Variants in VIPR1 observed in about 807,000 individuals in gnomAD.
VIPR1 encodes the protein vasoactive intestinal peptide receptor 1, also known as vasoactive intestinal polypeptide receptor 1.
A neutral mutation model predicts 58.8 loss-of-function variants in VIPR1; 59 were observed. The observed-to-expected ratio is 1.00, with a 90% CI of 0.81 to 1.25. The LOEUF (loss-of-function observed/expected upper bound fraction) is 1.25. Ranked by LOEUF, VIPR1 falls within the 50% of genes most tolerant of loss-of-function variation. The probability of loss-of-function intolerance (pLI) is 0.00; values close to 1 mark genes in which losing one functional copy is unlikely to be tolerated. For missense variants in VIPR1, 626 were observed against 602.7 expected, an observed-to-expected ratio of 1.04 and a Z score of -0.40; for synonymous variants, 251 against 242.1, an observed-to-expected ratio of 1.04 and a Z score of -0.34.
upstream of VIPR1, among the ~76,000 whole-genome samples, chr3:42,498,707 A>G (rs1051253752): frequency 9.9e-5 from 15 of 152,038 alleles, no homozygotes; most frequent in Admixed American, 1.3e-4. Flanking sequence ...TGTAGCACCA[A>G]CAGAAGATCC....
chr3:42,515,433 T>G (rs1489565046), intron 2 of VIPR1, among the ~76,000 whole-genome samples: 1 of 152,192 alleles, frequency 6.6e-6, no homozygotes. Context: ...CAGGACCAGG[T>G]GCAGACAGGC....
intron 1 of VIPR1, chr3:42,512,097 A>C (rs1370239163): frequency 1.3e-5 from 2 of 152,262 alleles, no homozygotes; most frequent in Non-Finnish European, 2.9e-5. Context: ...TAAAGGTGCA[A>C]GATGGAGCTC....
At chr3:42,513,420 T>G (rs920442029) in intron 1 of VIPR1, 1 of 265,948 alleles carries the variant, frequency 3.8e-6, no homozygotes, top group Non-Finnish European at 7.3e-6. Context: ...AGTGGCAGAG[T>G]CCAGAGGGCC....
At chr3:42,516,473 C>A (rs537110747) in intron 2 of VIPR1, 1 of 152,496 alleles carries the variant, frequency 6.6e-6, no homozygotes, top group Non-Finnish European at 1.5e-5. Context: ...CTTGGTTATG[C>A]TGAGATTCCT....
At chr3:42,499,096 T>C (rs556104452), upstream of VIPR1, among the ~76,000 whole-genome samples, 24 of 152,154 alleles carry the variant, frequency 1.6e-4, no homozygotes, top group Non-Finnish European at 3.1e-4. Flanking sequence ...AGAAAGCAAA[T>C]GTTGCCTGCA....
At position 42,536,285 on chromosome 3, in the gene VIPR1, C is replaced by G. The variant is rs1238901050; in HGVS notation, c.*4C>G. On this transcript the variant is annotated 3_prime_UTR_variant, in exon 13 of 13. Transcript: ENST00000325123. ...AGCCGAAGTCTCCCTGGTCTGACCA[C>G]CAGGATCCCAGGGGCCCAAGGCGGC... The G allele has an allele frequency of 6.5e-7, 1 of 1,538,458 alleles. No homozygotes were observed. The highest frequency in any genetic ancestry group is 8.7e-7 in the Non-Finnish European group (1 of 1,148,286).
rs575776939 is a variant in VIPR1, at chr3:42,537,095, C to T, written c.*814C>T. 1 of 152,426 alleles carries T rather than the reference C, an allele frequency of 6.6e-6. No individual in the cohort carries two copies. The highest frequency in any genetic ancestry group is 2.1e-4 in the South Asian group (1 of 4,830). 9.4% of individuals were successfully genotyped at this position (152,426 alleles called of 1,614,324 possible). ...TCTGTCACACCAGCCATACTTATCT[C>T]TCTGTGCTGTGGAAGCAACAGGAAT... On this transcript the variant is annotated 3_prime_UTR_variant, in exon 13 of 13. Coordinates refer to ENST00000325123, the MANE Select transcript of VIPR1 (RefSeq NM_004624.4).
intron 3 of VIPR1, among the ~76,000 whole-genome samples, chr3:42,520,481 T>C (rs1469895669): frequency 6.6e-6 from 1 of 151,694 alleles, no homozygotes; most frequent in Non-Finnish European, 1.5e-5. Context: ...TGAATTCAGG[T>C]AGTGAGCTCA....
intron 1 of VIPR1, among the ~76,000 whole-genome samples, chr3:42,504,687 C>G (rs901492600): frequency 1.3e-5 from 2 of 150,814 alleles, no homozygotes; most frequent in African/African-American, 4.9e-5. Context: ...ATTCTCCCTC[C>G]TCCCCACCAG....
At chr3:42,515,734 TG>T (rs1700592057) in intron 2 of VIPR1, among the ~76,000 whole-genome samples, 1 of 152,224 alleles carries the variant, frequency 6.6e-6, no homozygotes, top group South Asian at 2.1e-4. Flanking sequence ...TGTCTGGAGC[TG>T]CGTCTGTGCC....
chr3:42,514,894 A>T (rs528160163), intron 2 of VIPR1, among the ~76,000 whole-genome samples: 1 of 152,274 alleles, frequency 6.6e-6, no homozygotes, highest in East Asian at 1.9e-4. Flanking sequence ...TACCACTTGA[A>T]CCAGACTTGG....
intron 2 of VIPR1, among the ~76,000 whole-genome samples, chr3:42,515,823 A>T (rs939642364): frequency 6.6e-6 from 1 of 152,106 alleles, no homozygotes. Context: ...GCTTGGGCAC[A>T]TGCCATCTCG....
chr3:42,515,537 C>A (rs1700581936), intron 2 of VIPR1, among the ~76,000 whole-genome samples: 1 of 152,234 alleles, frequency 6.6e-6, no homozygotes, highest in Non-Finnish European at 1.5e-5. Flanking sequence ...GACAGGCCAC[C>A]CTCGTGATTC....
At chr3:42,534,438 G>T (rs1245503812) in intron 10 of VIPR1, 1 of 152,880 alleles carries the variant, frequency 6.5e-6, no homozygotes, top group Admixed American at 6.5e-5. Context: ...GTGGGCCTCT[G>T]TTTCTATAAT....
intron 3 of VIPR1, among the ~76,000 whole-genome samples, chr3:42,523,301 C>A (rs1481779972): frequency 6.6e-6 from 1 of 152,102 alleles, no homozygotes; most frequent in African/African-American, 2.4e-5. Flanking sequence ...AATCCCAGGG[C>A]TCTTCAAAGA....
intron 2 of VIPR1, 96 bp downstream of exon 2, chr3:42,513,950 T>A: frequency 7.4e-7 from 1 of 1,355,456 alleles, no homozygotes; most frequent in East Asian, 2.5e-5. Context: ...TCGTTCCACA[T>A]TTATTGGATG....
intron 1 of VIPR1, among the ~76,000 whole-genome samples, chr3:42,495,017 A>C (rs1699731286): frequency 6.6e-6 from 1 of 152,212 alleles, no homozygotes; most frequent in Non-Finnish European, 1.5e-5. Flanking sequence ...TGCGTGAAAT[A>C]TTTCCAAACA....
rs201579976 is a variant in VIPR1, at chr3:42,527,443, C to T, written c.450C>T (p.Tyr150=). 457 of 1,613,948 alleles carry T rather than the reference C, an allele frequency of 2.8e-4. 2 individuals are homozygous for T. In the Middle Eastern group the frequency reaches 3.6e-3, roughly 13 times the overall value. ...GSVKTGYTIG[Y]GLSLATLLVA... ...TGAAGACCGGCTACACCATTGGCTA[C>T]GGCCTGTCCCTCGCCACCCTTCTGG... The change falls in exon 5 of 13, where the codon TAC becomes TAT. Residue 150 remains tyrosine, a synonymous_variant. Coordinates refer to ENST00000325123, the MANE Select transcript of VIPR1 (RefSeq NM_004624.4).
rs750592460 is a variant in VIPR1 at position 42,525,948 on chromosome 3, C to T, written c.354C>T (p.Tyr118=). The change falls in exon 4 of 13, where the codon TAC becomes TAT. Residue 118 remains tyrosine (Y), a synonymous_variant. Coordinates refer to ENST00000325123, the MANE Select transcript of VIPR1 (RefSeq NM_004624.4). ...GGACGCACCTGGAGCCTGGCCCGTA[C>T]CCCATTGCCTGTGGTTTGGATGACA... ...EGWTHLEPGP[Y]PIACGLDDKA... The T allele has an allele frequency of 1.9e-6, 3 of 1,613,680 alleles. No individual in the cohort carries two copies. Among genetic ancestry groups the T allele is most frequent in the East Asian group, 2.2e-5 (1 of 44,874 alleles).
Sources: gnomAD v4.1 joint callset for allele counts (sites outside exome capture counted in the v4.1 genomes callset) on GRCh38, gnomAD v4.1.1 for gene constraint, MANE v1.5 for transcripts, NCBI Gene and HGNC (gene_info 2026-07-23, HGNC 2026-07-21) for gene names.